The following RIDA variants were observed in gnomAD, a reference collection of about 807,000 sequenced individuals.
RIDA encodes the protein reactive intermediate imine deaminase A.
In RIDA, 17 loss-of-function variants were observed where a neutral mutation model predicts 17.8. The observed-to-expected ratio is 0.96, with a 90% CI of 0.65 to 1.43. RIDA has a LOEUF of 1.43. Among genes scored for constraint, RIDA ranks in the 40% most tolerant of loss-of-function variants. The pLI, the probability that RIDA is intolerant of heterozygous loss-of-function variation, is 0.00. For missense variants in RIDA, 158 were observed against 161.7 expected, an observed-to-expected ratio of 0.98 and a Z score of 0.12; for synonymous variants, 48 against 55.7, an observed-to-expected ratio of 0.86 and a Z score of 0.62.
At chr8:98,116,907 G>A (rs1586219847) in intron 1 of RIDA, 125 bp downstream of exon 1, 1 of 760,766 alleles carries the variant, frequency 1.3e-6, no homozygotes, top group Non-Finnish European at 2.2e-6. Context: ...CTTCGGGCGC[G>A]TTGCTTACTT....
chr8:98,117,125 CAGG>C lies in RIDA; in HGVS notation c.-32_-30del. ...TAAGCCTTCCCTCTTGCAGCCCCTT[CAGG>C]AGAAGAAGCCCCAGCACCAGCCCTG... On this transcript the variant is annotated 5_prime_UTR_variant, in exon 1 of 6. Coordinates refer to ENST00000254878, the MANE Select transcript of RIDA (RefSeq NM_005836.3). 1 of 1,609,698 alleles carries C rather than the reference CAGG, an allele frequency of 6.2e-7. No individual in the cohort carries two copies.
chr8:98,111,599 CTG>C (rs1658680058), intron 1 of RIDA, among the ~76,000 whole-genome samples: 2 of 145,154 alleles, frequency 1.4e-5, no homozygotes, highest in South Asian at 4.3e-4. Context: ...GAGCAAGACT[CTG>C]TGTCAAAAAA....
At chr8:98,107,075 C>T (rs546978051) in intron 2 of RIDA, among the ~76,000 whole-genome samples, 74 of 152,310 alleles carry the variant, frequency 4.9e-4, no homozygotes, top group African/African-American at 1.7e-3. Context: ...AACACACAAG[C>T]ACACATGGTA....
At chr8:98,115,194 C>T (rs180924103) in intron 1 of RIDA, among the ~76,000 whole-genome samples, 270 of 151,964 alleles carry the variant, frequency 1.8e-3, no homozygotes, top group Non-Finnish European at 2.7e-3. Flanking sequence ...TCAATACCAG[C>T]CTGACCAACA....
chr8:98,110,457 G>C (rs561343628), intron 1 of RIDA, among the ~76,000 whole-genome samples: 66 of 152,140 alleles, frequency 4.3e-4, no homozygotes, highest in African/African-American at 1.1e-3. Flanking sequence ...ATGGGGTTTT[G>C]CCATGTTGGC....
At chr8:98,105,688 A>C (rs1046511437) in intron 4 of RIDA, among the ~76,000 whole-genome samples, 2 of 152,226 alleles carry the variant, frequency 1.3e-5, no homozygotes, top group Middle Eastern at 3.2e-3. Flanking sequence ...GGATTTAATG[A>C]AATTAAGCTT....
At chr8:98,108,198 A>G (rs1279529443) in intron 2 of RIDA, among the ~76,000 whole-genome samples, 2 of 152,188 alleles carry the variant, frequency 1.3e-5, no homozygotes, top group African/African-American at 4.8e-5. Flanking sequence ...TACAGGTGTG[A>G]GCCACATCGT....
At chr8:98,115,300 A>G (rs765761802) in intron 1 of RIDA, among the ~76,000 whole-genome samples, 18 of 150,518 alleles carry the variant, frequency 1.2e-4, no homozygotes, top group Non-Finnish European at 2.4e-4. Context: ...AGACATGAGA[A>G]TCACTTGAAT....
At chr8:98,104,074 T>C (rs991532523) in intron 5 of RIDA, among the ~76,000 whole-genome samples, 2 of 147,694 alleles carry the variant, frequency 1.4e-5, no homozygotes, top group Non-Finnish European at 3.0e-5. Flanking sequence ...GCAGGGTCTA[T>C]TTCTTTTCTT....
At chr8:98,115,453 A>G (rs1186844375) in intron 1 of RIDA, among the ~76,000 whole-genome samples, 1 of 151,358 alleles carries the variant, frequency 6.6e-6, no homozygotes. Context: ...GCATCAGTAA[A>G]TGTTAGCAAT....
chr8:98,114,838 A>G (rs189071197), intron 1 of RIDA, among the ~76,000 whole-genome samples: 1 of 152,296 alleles, frequency 6.6e-6, no homozygotes, highest in Admixed American at 6.5e-5. Flanking sequence ...AGTCAGTCAT[A>G]CACAGTAAGA....
intron 1 of RIDA, among the ~76,000 whole-genome samples, chr8:98,116,222 A>C (rs920083356): frequency 1.2e-4 from 19 of 152,062 alleles, no homozygotes; most frequent in African/African-American, 4.1e-4. Flanking sequence ...TTCCTCTTCC[A>C]CCCCAAGTTA....
chr8:98,114,892 AT>A (rs35530003), intron 1 of RIDA, among the ~76,000 whole-genome samples: 35,935 of 147,478 alleles, frequency 0.24, 4,727 homozygotes, highest in Non-Finnish European at 0.31. Context: ...TCCTTTTCCA[AT>A]TTTTTTTTTC....
chr8:98,114,449 C>T (rs368233482), intron 1 of RIDA, among the ~76,000 whole-genome samples: 2 of 151,754 alleles, frequency 1.3e-5, no homozygotes, highest in South Asian at 2.1e-4. Flanking sequence ...CTCAGCCTCC[C>T]GAGTAGCTGA....
At chr8:98,103,478 C>A (rs545502966) in intron 5 of RIDA, among the ~76,000 whole-genome samples, 1 of 152,182 alleles carries the variant, frequency 6.6e-6, no homozygotes, top group South Asian at 2.1e-4. Flanking sequence ...AATATGTGTG[C>A]CCCTGGTTTA....
chr8:98,115,336 T>G (rs1815790166), intron 1 of RIDA, among the ~76,000 whole-genome samples: 1 of 135,370 alleles, frequency 7.4e-6, no homozygotes, highest in South Asian at 2.2e-4. Context: ...TGCAGTGAGC[T>G]GAGATTGCAC....
Position 98,102,847 on chromosome 8 carries a change from G to A in RIDA, c.409C>T (p.Leu137=). Residue 137 remains leucine (L), a synonymous_variant, in exon 6 of 6, where the codon CTA becomes TTA. Coordinates refer to ENST00000254878, the MANE Select transcript of RIDA (RefSeq NM_005836.3). The stretch of plus-strand genomic sequence containing the variant: ...CTACACAGCACTGGGCCCACTTATA[G>A]TGATGCCGTTGTCAGTGGTCCTTGG... ...AIQGPLTTAS[L] 1.9e-6 allele frequency: 3 copies of A among 1,611,426 alleles called. No individual in the cohort carries two copies. Among genetic ancestry groups the A allele is most frequent in the Non-Finnish European group, 2.5e-6 (3 of 1,177,848 alleles).
rs574044751 is a variant in RIDA, at chr8:98,116,275, G to C, written c.65+757C>G. Among the ~76,000 whole-genome samples, 4 of 152,078 alleles carry C rather than the reference G, an allele frequency of 2.6e-5. No homozygotes were observed. In the East Asian group the frequency reaches 7.7e-4, roughly 29 times the overall value. On this transcript the variant is annotated intron_variant, in intron 1 of 5. Transcript: ENST00000254878. ...TTCTCCTTTACTCCCTACCCCACTT[G>C]CCCTCTCACTTCTACTGCATTTTAT...
chr8:98,103,925 A>C (rs953442114), intron 5 of RIDA, among the ~76,000 whole-genome samples: 6 of 152,052 alleles, frequency 3.9e-5, no homozygotes, highest in African/African-American at 1.4e-4. Flanking sequence ...GGCGTGAGCC[A>C]CCGCGCCTGG....
Sources: gnomAD v4.1 joint callset for allele counts (sites outside exome capture counted in the v4.1 genomes callset) on GRCh38, gnomAD v4.1.1 for gene constraint, MANE v1.5 for transcripts, NCBI Gene and HGNC (gene_info 2026-07-23, HGNC 2026-07-21) for gene names.